KSR1: variants seen among roughly 807,000 people sequenced by gnomAD.
KSR1 encodes the protein kinase suppressor of ras 1.
In KSR1, 35 loss-of-function variants were observed where a neutral mutation model predicts 92.9. The ratio of observed to expected loss-of-function variants is 0.38; its 90% CI spans 0.29 to 0.50. The LOEUF (loss-of-function observed/expected upper bound fraction) is 0.50, where lower values mean the gene tolerates loss of function less well. KSR1 is among the 20% of genes least tolerant of loss of function. KSR1 has a pLI of 0.94. For missense variants in KSR1, 972 were observed against 1,158.5 expected, an observed-to-expected ratio of 0.84 and a Z score of 2.34; for synonymous variants, 467 against 472.6, an observed-to-expected ratio of 0.99 and a Z score of 0.15.
At chr17:27,525,991 ACTTTTCTTTTCTTTTCTTTTCTTTT>A (rs138403263) in intron 1 of KSR1, among the ~76,000 whole-genome samples, 2 of 71,200 alleles carry the variant, frequency 2.8e-5, no homozygotes, top group Non-Finnish European at 5.0e-5. Context: ...ACTGCAACTA[ACTTTTCTTTTCTTTTCTTTTCTTTT>A]CTTTTCTTTT....
At chr17:27,550,047 C>CT (rs1384052237) in intron 1 of KSR1, among the ~76,000 whole-genome samples, 1 of 152,120 alleles carries the variant, frequency 6.6e-6, no homozygotes, top group Non-Finnish European at 1.5e-5. Context: ...GGAAAGCCTT[C>CT]TTTTTTACCC....
At chr17:27,567,802 G>A (rs1010400049) in intron 2 of KSR1, among the ~76,000 whole-genome samples, 1 of 152,258 alleles carries the variant, frequency 6.6e-6, no homozygotes, top group Non-Finnish European at 1.5e-5. Flanking sequence ...TTACTGGCAA[G>A]TGTGTCTGGA....
At chr17:27,599,461 G>A (rs1217737491) in intron 10 of KSR1, among the ~76,000 whole-genome samples, 1 of 152,222 alleles carries the variant, frequency 6.6e-6, no homozygotes, top group Non-Finnish European at 1.5e-5. Flanking sequence ...GGAGGCTGAG[G>A]CATGAGAATC....
chr17:27,553,367 G>A (rs1314141623), intron 2 of KSR1, among the ~76,000 whole-genome samples: 1 of 152,232 alleles, frequency 6.6e-6, no homozygotes, highest in Non-Finnish European at 1.5e-5. Flanking sequence ...GGCTGGGAAT[G>A]GCTGACTAGA....
intron 9 of KSR1, 64 bp downstream of exon 9, chr17:27,592,690 C>T (rs1373505359): frequency 2.2e-6 from 3 of 1,375,222 alleles, no homozygotes; most frequent in South Asian, 2.6e-5. Flanking sequence ...ATAAAGCACC[C>T]CTGCCTCAGA....
intron 1 of KSR1, among the ~76,000 whole-genome samples, chr17:27,542,410 T>C (rs2070998521): frequency 1.3e-5 from 2 of 152,164 alleles, no homozygotes; most frequent in Non-Finnish European, 2.9e-5. Flanking sequence ...TTCTGAGACA[T>C]GAAGATCTGG....
chr17:27,499,612 G>C (rs1194291003), intron 1 of KSR1, among the ~76,000 whole-genome samples: 3 of 152,222 alleles, frequency 2.0e-5, no homozygotes, highest in Non-Finnish European at 4.4e-5. Flanking sequence ...AGGTGTGCCA[G>C]GCTAGCCAGG....
chr17:27,623,121 C>CAG lies in KSR1; in HGVS notation c.2709-193_2709-192insAG. 5 of 616,078 alleles carry CAG rather than the reference C, an allele frequency of 8.1e-6. No individual in the cohort carries two copies. In the South Asian group the frequency reaches 9.7e-5, roughly 12 times the overall value. The allele number at this position is 616,078 out of a possible 1,614,324, so 38.2% of individuals were successfully genotyped here. A position where few individuals can be genotyped will look rare whatever the true frequency, so the allele number is the denominator to read the frequency against. ...GCCACCGTTGCTGCTCCAAGTAGGACTACTTGGAGTGTAGCTGAGGCCTTG... is the reference window on the plus strand; with the variant it reads ...GCCACCGTTGCTGCTCCAAGTAGGACAGTACTTGGAGTGTAGCTGAGGCCTTG... On this transcript the variant is annotated intron_variant, in intron 20 of 20. Coordinates refer to ENST00000644974, the MANE Select transcript of KSR1 (RefSeq NM_001394583.1).
chr17:27,585,287 A>T (rs1278164912), intron 4 of KSR1, among the ~76,000 whole-genome samples: 1 of 151,764 alleles, frequency 6.6e-6, no homozygotes, highest in African/African-American at 2.4e-5. Flanking sequence ...AGGCTCTCCC[A>T]CTGTGAGCCA....
At chr17:27,495,479 T>C (rs1417376551) in intron 1 of KSR1, among the ~76,000 whole-genome samples, 1 of 152,208 alleles carries the variant, frequency 6.6e-6, no homozygotes, top group Non-Finnish European at 1.5e-5. Flanking sequence ...GCCCCGATGA[T>C]GACTTAGGCC....
chr17:27,497,358 G>T (rs1407371187), intron 1 of KSR1, among the ~76,000 whole-genome samples: 1 of 152,242 alleles, frequency 6.6e-6, no homozygotes, highest in African/African-American at 2.4e-5. Flanking sequence ...TGTCGGTACT[G>T]CAGTCCTTTC....
intron 2 of KSR1, among the ~76,000 whole-genome samples, chr17:27,564,851 T>C (rs1197370090): frequency 1.4e-5 from 2 of 146,674 alleles, no homozygotes; most frequent in African/African-American, 2.5e-5. Flanking sequence ...CCCTCAGAGA[T>C]GATTTGTCAG....
intron 1 of KSR1, among the ~76,000 whole-genome samples, chr17:27,543,949 T>G (rs1567809808): frequency 6.6e-6 from 1 of 152,182 alleles, no homozygotes; most frequent in Non-Finnish European, 1.5e-5. Flanking sequence ...CACGGGCAGA[T>G]TCCCACCCAT....
intron 1 of KSR1, among the ~76,000 whole-genome samples, chr17:27,498,413 G>C (rs1452949280): frequency 6.6e-6 from 1 of 150,888 alleles, no homozygotes; most frequent in Non-Finnish European, 1.5e-5. Context: ...ATTCTATTTA[G>C]ATAATTTCAA....
intron 1 of KSR1, among the ~76,000 whole-genome samples, chr17:27,464,022 T>A (rs1332819385): frequency 6.6e-6 from 1 of 152,130 alleles, no homozygotes; most frequent in African/African-American, 2.4e-5. Flanking sequence ...AGGGTGGTTA[T>A]TAAAGGAGCA....
At chr17:27,478,707 G>A (rs181178057) in intron 1 of KSR1, among the ~76,000 whole-genome samples, 1 of 152,172 alleles carries the variant, frequency 6.6e-6, no homozygotes, top group East Asian at 1.9e-4. Context: ...GAGTGGGGTT[G>A]GGGGCTTATC....
At chr17:27,513,307 C>T (rs528004860) in intron 1 of KSR1, among the ~76,000 whole-genome samples, 4 of 152,126 alleles carry the variant, frequency 2.6e-5, no homozygotes, top group South Asian at 2.1e-4. Context: ...AAAAATGCTG[C>T]GGGCTAGATG....
At chr17:27,602,998 G>C (rs2073620940) in intron 11 of KSR1, among the ~76,000 whole-genome samples, 1 of 152,262 alleles carries the variant, frequency 6.6e-6, no homozygotes, top group South Asian at 2.1e-4. Flanking sequence ...AGGCAGGAGA[G>C]AGGCCTTTGA....
At chr17:27,513,627 G>A (rs2069682250) in intron 1 of KSR1, among the ~76,000 whole-genome samples, 2 of 152,206 alleles carry the variant, frequency 1.3e-5, no homozygotes, top group Non-Finnish European at 2.9e-5. Context: ...CCCCAGGGAA[G>A]CTTTGCTTAC....
Sources: gnomAD v4.1 joint callset for allele counts (sites outside exome capture counted in the v4.1 genomes callset) on GRCh38, gnomAD v4.1.1 for gene constraint, MANE v1.5 for transcripts, NCBI Gene and HGNC (gene_info 2026-07-23, HGNC 2026-07-21) for gene names.